TLCD4: variants seen among roughly 807,000 people sequenced by gnomAD.
The protein encoded by TLCD4 is TLC domain-containing protein 4.
In TLCD4, 7 loss-of-function variants were observed where a neutral mutation model predicts 24.2. The observed-to-expected ratio is 0.29, with a 90% confidence interval of 0.16 to 0.54. TLCD4 has a LOEUF of 0.54. TLCD4 is among the 20% of genes least tolerant of loss of function. The probability of loss-of-function intolerance (pLI) is 0.95; values close to 1 mark genes in which losing one functional copy is unlikely to be tolerated. For synonymous variants in TLCD4, 103 were observed against 106.4 expected (o/e 0.97, Z 0.20); for missense variants, 259 against 313.9 (o/e 0.82, Z 1.32).
the TLCD4 span, among the ~76,000 whole-genome samples, chr1:95,093,754 C>T: frequency 6.6e-6 from 1 of 152,188 alleles, no homozygotes; most frequent in Non-Finnish European, 1.5e-5. Flanking sequence ...ATGTTCTAGA[C>T]ACATATATGT....
chr1:95,188,528 C>T (rs898027691), intron 6 of TLCD4, among the ~76,000 whole-genome samples: 23 of 151,832 alleles, frequency 1.5e-4, no homozygotes, highest in Admixed American at 9.2e-4. Context: ...TGCAGTTATT[C>T]GGAACAGATT....
intron 2 of TLCD4, among the ~76,000 whole-genome samples, chr1:95,145,835 G>A (rs2100939738): frequency 6.6e-6 from 1 of 152,258 alleles, no homozygotes. Flanking sequence ...GCCATTCTAT[G>A]ACACAGGAAA....
At chr1:95,134,186 A>G in intron 1 of TLCD4, among the ~76,000 whole-genome samples, 1 of 152,126 alleles carries the variant, frequency 6.6e-6, no homozygotes, top group East Asian at 1.9e-4. Flanking sequence ...GGTGAAGATA[A>G]TGGACTGAGT....
At chr1:95,146,359 A>G (rs1164087179) in intron 2 of TLCD4, among the ~76,000 whole-genome samples, 2 of 152,140 alleles carry the variant, frequency 1.3e-5, no homozygotes, top group African/African-American at 4.8e-5. Flanking sequence ...TGAAAGTCTT[A>G]TTGTGTTGAA....
At position 95,143,926 on chromosome 1, in the gene TLCD4, A is replaced by T; in HGVS notation, c.25A>T (p.Ile9Phe). Residue 9 changes from isoleucine (I) to phenylalanine (F), a missense_variant, in exon 2 of 7, where the codon ATC becomes TTC. Transcript: ENST00000370203. The part of the protein sequence containing the change: MEINTKLL[I>F]SVTCISFFTF... ...TATGGAGATCAACACAAAACTGCTCATCAGTGTTACCTGTATCAGCTTTTT... is the reference window on the plus strand; with the variant it reads ...TATGGAGATCAACACAAAACTGCTCTTCAGTGTTACCTGTATCAGCTTTTT... 2.0e-6 allele frequency: 3 copies of T among 1,508,684 alleles called. No homozygotes were observed. Among genetic ancestry groups the T allele is most frequent in the Non-Finnish European group, 2.7e-6 (3 of 1,129,892 alleles). The allele number at this position is 1,508,684 out of a possible 1,614,324, so 93.5% of individuals were successfully genotyped here.
chr1:95,185,336 C>T (rs1195017275), intron 6 of TLCD4, among the ~76,000 whole-genome samples: 1 of 152,068 alleles, frequency 6.6e-6, no homozygotes. Context: ...TGAGGACTCT[C>T]CTCTGAGTTG....
intron 5 of TLCD4, among the ~76,000 whole-genome samples, chr1:95,151,763 C>A (rs904019723): frequency 3.9e-5 from 6 of 152,048 alleles, no homozygotes; most frequent in Admixed American, 6.6e-5. Flanking sequence ...GAGTATGAGC[C>A]AGCGAAAATA....
intron 1 of TLCD4, among the ~76,000 whole-genome samples, chr1:95,132,945 A>G (rs1218269238): frequency 6.6e-6 from 1 of 152,176 alleles, no homozygotes; most frequent in Non-Finnish European, 1.5e-5. Flanking sequence ...AGCAACAGCT[A>G]TTCCAGGAGA....
rs150251735 is a variant in TLCD4 at position 95,165,464 on chromosome 1, T to TG, written c.400-8351dup. ...TGGGCAAATAGTATGTGTGTGTGTG[T>TG]GTGTTTTTTTTTTTTTTTCAGACAA... On this transcript the variant is annotated intron_variant, in intron 5 of 6. Coordinates refer to ENST00000370203, the MANE Select transcript of TLCD4 (RefSeq NM_152487.3). Among the ~76,000 whole-genome samples the TG allele has an allele frequency of 3.0e-3, 370 of 122,674 alleles. 7 individuals carry two copies. Among genetic ancestry groups the TG allele is most frequent in the African/African-American group, 4.5e-3 (126 of 27,890 alleles). 80.5% of individuals were successfully genotyped at this position (122,674 alleles called of 152,430 possible).
At chr1:95,186,412 G>A (rs895969428) in intron 6 of TLCD4, among the ~76,000 whole-genome samples, 3 of 152,208 alleles carry the variant, frequency 2.0e-5, no homozygotes, top group Admixed American at 6.5e-5. Flanking sequence ...GCAAGAGAAC[G>A]GAGGGTGCTG....
upstream of TLCD4, among the ~76,000 whole-genome samples, chr1:95,113,913 G>A (rs1676384203): frequency 6.6e-6 from 1 of 151,726 alleles, no homozygotes; most frequent in South Asian, 2.1e-4. Context: ...ACTGGCCACT[G>A]TACTCCTGTA....
In TLCD4 at chr1:95,118,300, G is replaced by C. The variant is rs1435060308; in HGVS notation, c.-12+683G>C. ...CCTCGGTTTACCCAGCCATGAAATG[G>C]GATTCGTAATGCCAGCAGTTTCCTA... On this transcript the variant is annotated intron_variant, in intron 1 of 6. Transcript: ENST00000370203. 2.6e-5 allele frequency among the ~76,000 whole-genome samples: 4 copies of C among 152,234 alleles called. 1 individual carries two copies. The highest frequency in any genetic ancestry group is 4.1e-4 in the South Asian group (2 of 4,822).
chr1:95,136,521 A>C (rs569739444), intron 1 of TLCD4, among the ~76,000 whole-genome samples: 2 of 152,316 alleles, frequency 1.3e-5, no homozygotes, highest in East Asian at 3.9e-4. Flanking sequence ...AAATATTTAC[A>C]AAAAATATTT....
chr1:95,118,597 C>T (rs1374360788), intron 1 of TLCD4, among the ~76,000 whole-genome samples: 2 of 152,110 alleles, frequency 1.3e-5, no homozygotes, highest in Admixed American at 6.5e-5. Flanking sequence ...AATCTTTACG[C>T]AGTCATAAAT....
the TLCD4 span, among the ~76,000 whole-genome samples, chr1:95,097,131 A>G: frequency 6.6e-6 from 1 of 152,122 alleles, no homozygotes; most frequent in Admixed American, 6.5e-5. Context: ...TTCAGGGTAC[A>G]TGTGATAATT....
intron 6 of TLCD4, among the ~76,000 whole-genome samples, chr1:95,176,215 G>A (rs1367774370): frequency 2.3e-4 from 32 of 141,446 alleles, no homozygotes; most frequent in Admixed American, 8.5e-4. Context: ...TTTTTTTGAT[G>A]CAGTTTTGCT....
intron 5 of TLCD4, among the ~76,000 whole-genome samples, chr1:95,169,834 C>A (rs1448568448): frequency 6.6e-6 from 1 of 152,130 alleles, no homozygotes; most frequent in African/African-American, 2.4e-5. Flanking sequence ...AGGTGTGCAC[C>A]ATTGCGCCCA....
rs2100991588 is a variant in TLCD4, at chr1:95,173,889, G to A, written c.473G>A (p.Arg158Gln). 3.1e-6 allele frequency: 5 copies of A among 1,613,918 alleles called. No homozygotes were observed. Among genetic ancestry groups the A allele is most frequent in the Non-Finnish European group, 4.2e-6 (5 of 1,179,976 alleles). The change falls in exon 6 of 7, where the codon CGG becomes CAG. Residue 158 changes from arginine (R) to glutamine (Q), a missense_variant and splice_region_variant. Transcript: ENST00000370203. The part of the protein sequence containing the change: ...AELSSPFVNQ[R>Q]WFFEALKYPK... ...CTTTCCAGCCCGTTTGTGAATCAGC[G>A]GTATGTTACTGATATCATTGATTAT...
chr1:95,128,733 T>C (rs769640389), intron 1 of TLCD4, among the ~76,000 whole-genome samples: 1 of 152,198 alleles, frequency 6.6e-6, no homozygotes, highest in Non-Finnish European at 1.5e-5. Flanking sequence ...GAGAAGACTT[T>C]GTAGTCTAAG....
Sources: allele counts gnomAD v4.1 joint callset (sites outside exome capture counted in the v4.1 genomes callset), GRCh38; gene constraint gnomAD v4.1.1; transcripts MANE v1.5; gene names NCBI Gene and HGNC (gene_info 2026-07-23, HGNC 2026-07-21).